RBFOX1: variants seen among roughly 807,000 people sequenced by gnomAD.
RBFOX1 encodes the protein RNA binding fox-1 homolog 1.
RBFOX1 carries 8 observed loss-of-function variants against 57.7 expected under a neutral mutation model. The ratio of observed to expected loss-of-function variants is 0.14; its 90% CI spans 0.08 to 0.25. RBFOX1 has a LOEUF of 0.25. Ranked by LOEUF, RBFOX1 falls within the 10% of genes least tolerant of loss-of-function variation. RBFOX1 has a pLI of 1.00. For synonymous variants in RBFOX1, 326 were observed against 222.4 expected, an observed-to-expected ratio of 1.47 and a Z score of -4.15; for missense variants, 611 against 548.5, an observed-to-expected ratio of 1.11 and a Z score of -1.14.
chr16:5,286,439 G>T (rs929130163), intron 1 of RBFOX1, among the ~76,000 whole-genome samples: 5 of 152,198 alleles, frequency 3.3e-5, no homozygotes, highest in African/African-American at 1.2e-4. Flanking sequence ...AGCTCTGGAG[G>T]CAGGGGAGTC....
chr16:5,269,688 TA>T (rs2062956699), intron 1 of RBFOX1, among the ~76,000 whole-genome samples: 1 of 152,074 alleles, frequency 6.6e-6, no homozygotes, highest in Admixed American at 6.5e-5. Context: ...CATGGGAGGA[TA>T]GGGGGTGTTA....
intron 1 of RBFOX1, among the ~76,000 whole-genome samples, chr16:6,056,189 C>G (rs1024643445): frequency 6.6e-6 from 1 of 152,152 alleles, no homozygotes; most frequent in Non-Finnish European, 1.5e-5. Context: ...TGTCTCTAAT[C>G]TCCTTACACT....
At chr16:5,244,088 G>C (rs1204243837) in intron 1 of RBFOX1, among the ~76,000 whole-genome samples, 4 of 151,934 alleles carry the variant, frequency 2.6e-5, no homozygotes, top group Non-Finnish European at 4.4e-5. Flanking sequence ...GTAGATATGA[G>C]GTTTCACCAC....
At chr16:5,266,491 G>A (rs1386670283) in intron 1 of RBFOX1, among the ~76,000 whole-genome samples, 1 of 151,896 alleles carries the variant, frequency 6.6e-6, no homozygotes, top group African/African-American at 2.4e-5. Flanking sequence ...GAATATCCTG[G>A]AAGGGGCTGT....
intron 3 of RBFOX1, among the ~76,000 whole-genome samples, chr16:6,925,093 G>C (rs561872860): frequency 5.6e-5 from 7 of 125,458 alleles, no homozygotes; most frequent in Non-Finnish European, 1.1e-4. Flanking sequence ...ATCGTTGTTG[G>C]ACATCTAGGT....
At chr16:7,033,763 C>G (rs2043450037) in intron 3 of RBFOX1, among the ~76,000 whole-genome samples, 1 of 152,054 alleles carries the variant, frequency 6.6e-6, no homozygotes, top group Admixed American at 6.5e-5. Flanking sequence ...GGAGCGTGAG[C>G]TGGGGACCAG....
intron 3 of RBFOX1, among the ~76,000 whole-genome samples, chr16:5,756,741 G>T (rs1205640204): frequency 1.3e-5 from 2 of 152,146 alleles, no homozygotes; most frequent in Admixed American, 6.5e-5. Context: ...TTGAGCCAAA[G>T]AGACCCCATG....
chr16:5,530,929 AAT>A (rs552389444), intron 2 of RBFOX1, among the ~76,000 whole-genome samples: 1 of 81,410 alleles, frequency 1.2e-5, no homozygotes, highest in East Asian at 5.6e-4. Flanking sequence ...CTCTACTAAA[AAT>A]ATAAAAAAAA....
chr16:6,400,098 TACC>T (rs1361609642), intron 2 of RBFOX1, among the ~76,000 whole-genome samples: 1 of 152,190 alleles, frequency 6.6e-6, no homozygotes, highest in Non-Finnish European at 1.5e-5. Flanking sequence ...CAACACTATC[TACC>T]AACTTGACCT....
chr16:7,096,713 C>G (rs1363884378), intron 4 of RBFOX1, among the ~76,000 whole-genome samples: 1 of 152,006 alleles, frequency 6.6e-6, no homozygotes, highest in Non-Finnish European at 1.5e-5. Context: ...AGGTATATCA[C>G]CTGAGGTCAG....
chr16:6,557,799 G>A (rs150031406), intron 2 of RBFOX1, among the ~76,000 whole-genome samples: 5 of 152,284 alleles, frequency 3.3e-5, no homozygotes, highest in African/African-American at 9.6e-5. Context: ...GTTTTATTTC[G>A]TGGTGCAGGA....
intron 1 of RBFOX1, among the ~76,000 whole-genome samples, chr16:6,022,206 C>G (rs1423711591): frequency 6.6e-6 from 1 of 151,510 alleles, no homozygotes; most frequent in East Asian, 1.9e-4. Flanking sequence ...ACTGAAAGGA[C>G]TTGATCTCCT....
At chr16:7,211,314 C>A (rs188040512) in intron 4 of RBFOX1, among the ~76,000 whole-genome samples, 1,613 of 145,180 alleles carry the variant, frequency 0.011, 16 homozygotes, top group Non-Finnish European at 0.018. Context: ...ATGGTGTGAA[C>A]CTGGGAGGCG....
chr16:6,909,280 A>C (rs1366232260), intron 3 of RBFOX1, among the ~76,000 whole-genome samples: 1 of 152,134 alleles, frequency 6.6e-6, no homozygotes, highest in Non-Finnish European at 1.5e-5. Context: ...TGTGGCCTTC[A>C]GACTCCAGCC....
At chr16:7,217,947 T>C (rs6500935) in intron 4 of RBFOX1, among the ~76,000 whole-genome samples, 107,480 of 149,944 alleles carry the variant, frequency 0.72, 38,815 homozygotes, top group East Asian at 0.96. Context: ...CATGTGTGTG[T>C]GTGTGCACAT....
chr16:5,351,817 T>A (rs1170439368), intron 1 of RBFOX1, among the ~76,000 whole-genome samples: 2 of 152,176 alleles, frequency 1.3e-5, no homozygotes, highest in African/African-American at 4.8e-5. Flanking sequence ...TCTTCTTAAT[T>A]TTTGAGACAG....
intron 5 of RBFOX1, among the ~76,000 whole-genome samples, chr16:7,539,625 G>C (rs901660302): frequency 6.6e-6 from 1 of 152,168 alleles, no homozygotes; most frequent in Non-Finnish European, 1.5e-5. Flanking sequence ...ATGCCACCAG[G>C]CATTGGTGAT....
At chr16:6,091,071 C>G (rs1173696188) in intron 1 of RBFOX1, among the ~76,000 whole-genome samples, 1 of 152,168 alleles carries the variant, frequency 6.6e-6, no homozygotes, top group Non-Finnish European at 1.5e-5. Context: ...TTCAAATCTT[C>G]TTTTCTAGCT....
At chr16:6,506,645 T>G in intron 2 of RBFOX1, among the ~76,000 whole-genome samples, 1 of 114,238 alleles carries the variant, frequency 8.8e-6, no homozygotes, top group Admixed American at 8.7e-5. Flanking sequence ...TTTTTTTTTT[T>G]TTTTTTTTTT....
Sources: gnomAD v4.1 joint callset for allele counts (sites outside exome capture counted in the v4.1 genomes callset) on GRCh38, gnomAD v4.1.1 for gene constraint, MANE v1.5 for transcripts, NCBI Gene and HGNC (gene_info 2026-07-23, HGNC 2026-07-21) for gene names.